Variants in CELF2 observed in about 807,000 individuals in gnomAD.
The protein encoded by CELF2 is CUGBP Elav-like family member 2.
A neutral mutation model predicts 62.6 loss-of-function variants in CELF2; 8 were observed. The ratio of observed to expected loss-of-function variants is 0.13; its 90% CI spans 0.07 to 0.23. CELF2 has a LOEUF of 0.23. CELF2 is among the 10% of genes least tolerant of loss of function. The pLI, the probability that CELF2 is intolerant of heterozygous loss-of-function variation, is 1.00. For missense variants in CELF2, 333 were observed against 671.0 expected (o/e 0.50, Z 5.56); for synonymous variants, 258 against 250.0 (o/e 1.03, Z -0.30).
the CELF2 span, among the ~76,000 whole-genome samples, chr10:10,765,043 G>A: frequency 6.6e-6 from 1 of 152,154 alleles, no homozygotes; most frequent in Non-Finnish European, 1.5e-5. Context: ...ACAAGGGCAG[G>A]CTACTAGTAC....
At chr10:10,487,255 C>T in the CELF2 span, among the ~76,000 whole-genome samples, 26 of 152,276 alleles carry the variant, frequency 1.7e-4, no homozygotes, top group African/African-American at 6.0e-4. Context: ...TTACTTATAG[C>T]ACAGTTGTAA....
chr10:10,943,375 G>T (rs947687584), intron 2 of CELF2, among the ~76,000 whole-genome samples: 10 of 152,160 alleles, frequency 6.6e-5, no homozygotes, highest in African/African-American at 2.4e-4. Flanking sequence ...CCTCTGGAAG[G>T]AAAAAGCCAT....
At chr10:10,927,989 C>T (rs1453144062) in intron 2 of CELF2, among the ~76,000 whole-genome samples, 2 of 152,066 alleles carry the variant, frequency 1.3e-5, no homozygotes, top group Admixed American at 6.5e-5. Flanking sequence ...TTTCATCTAC[C>T]TCTGCAGCCT....
At chr10:10,665,793 C>T in the CELF2 span, among the ~76,000 whole-genome samples, 2 of 152,142 alleles carry the variant, frequency 1.3e-5, no homozygotes, top group Admixed American at 6.5e-5. Flanking sequence ...TCTGGGTATT[C>T]TTAAATGTTA....
At chr10:10,724,908 T>C in the CELF2 span, among the ~76,000 whole-genome samples, 2 of 152,086 alleles carry the variant, frequency 1.3e-5, no homozygotes, top group Non-Finnish European at 2.9e-5. Flanking sequence ...AAATTTGACA[T>C]AAATTCAGAA....
chr10:11,046,445 C>T lies in CELF2; in HGVS notation c.74+28282C>T, dbSNP rs191545709. On this transcript the variant is annotated intron_variant, in intron 1 of 12. Transcript: ENST00000633077. This position sits in a 1 kb window ranked among gnomAD's most constrained non-coding sequence, Gnocchi z 4.6. The stretch of plus-strand genomic sequence containing the variant: ...GTTGGTTCACTGCCTCTGATGACAC[C>T]GAAATGAAATATAAAGGGAAGATAA... Among the ~76,000 whole-genome samples the T allele has an allele frequency of 3.1e-3, 474 of 152,184 alleles. 2 individuals are homozygous for T. The highest frequency in any genetic ancestry group is 5.0e-3 in the Non-Finnish European group (338 of 67,998).
At chr10:11,197,620 G>A (rs2058295186) in intron 2 of CELF2, among the ~76,000 whole-genome samples, 1 of 152,234 alleles carries the variant, frequency 6.6e-6, no homozygotes, top group Non-Finnish European at 1.5e-5. Flanking sequence ...AACACAGGCT[G>A]TCCTTTGGGC....
At chr10:11,264,158 A>G (rs955865298) in intron 5 of CELF2, among the ~76,000 whole-genome samples, 1 of 152,204 alleles carries the variant, frequency 6.6e-6, no homozygotes, top group Non-Finnish European at 1.5e-5. Context: ...TCATGTTTTT[A>G]ATTGCACGGT....
chr10:11,112,907 A>G (rs2055576202), intron 1 of CELF2, among the ~76,000 whole-genome samples: 1 of 152,032 alleles, frequency 6.6e-6, no homozygotes, highest in African/African-American at 2.4e-5. Context: ...TGCGTAGCCC[A>G]TGTCTGAAGC....
chr10:10,550,883 A>T, the CELF2 span, among the ~76,000 whole-genome samples: 1 of 151,664 alleles, frequency 6.6e-6, no homozygotes, highest in Middle Eastern at 3.4e-3. Context: ...TTTTTAGTAG[A>T]GATGGGGTTT....
intron 2 of CELF2, among the ~76,000 whole-genome samples, chr10:10,978,404 G>A (rs574807126): frequency 6.6e-6 from 1 of 152,212 alleles, no homozygotes; most frequent in South Asian, 2.1e-4. Flanking sequence ...TAGCTCAAGA[G>A]TTTTCATTTA....
At chr10:10,820,433 G>A (rs1201797932) in intron 1 of CELF2, among the ~76,000 whole-genome samples, 1 of 152,134 alleles carries the variant, frequency 6.6e-6, no homozygotes, top group African/African-American at 2.4e-5. Context: ...AGAAACCATG[G>A]ACTTATTCCA....
At chr10:10,967,459 A>T (rs2050243734) in intron 2 of CELF2, among the ~76,000 whole-genome samples, 1 of 152,050 alleles carries the variant, frequency 6.6e-6, no homozygotes, top group Non-Finnish European at 1.5e-5. Context: ...TTTGAGAAGT[A>T]GGCATCGAGA....
intron 1 of CELF2, among the ~76,000 whole-genome samples, chr10:11,104,893 G>T (rs142792325): frequency 2.8e-4 from 42 of 152,344 alleles, no homozygotes; most frequent in African/African-American, 7.0e-4. Context: ...ATAGCATGTG[G>T]CAGGCAGAGG....
the CELF2 span, among the ~76,000 whole-genome samples, chr10:10,538,170 C>A: frequency 5.3e-5 from 8 of 152,180 alleles, no homozygotes; most frequent in African/African-American, 1.9e-4. Flanking sequence ...AGGCCATGTC[C>A]TTCAGTAGCA....
At chr10:11,036,597 T>G (rs1173187099) in intron 1 of CELF2, among the ~76,000 whole-genome samples, 1 of 152,244 alleles carries the variant, frequency 6.6e-6, no homozygotes, top group Non-Finnish European at 1.5e-5. Flanking sequence ...GATAAATAAA[T>G]GGGAATCATA....
At chr10:10,734,085 C>T in the CELF2 span, among the ~76,000 whole-genome samples, 1 of 151,962 alleles carries the variant, frequency 6.6e-6, no homozygotes. Context: ...CTTACTTCTA[C>T]ATGTTCATTT....
chr10:10,555,061 A>G, the CELF2 span, among the ~76,000 whole-genome samples: 3 of 152,170 alleles, frequency 2.0e-5, no homozygotes, highest in Non-Finnish European at 4.4e-5. Context: ...GGTTAGAAAA[A>G]GAAAGGGAAA....
chr10:10,892,070 ACCTTTATTTAATTAGAGCC>A (rs2062186679), intron 1 of CELF2, among the ~76,000 whole-genome samples: 2 of 152,206 alleles, frequency 1.3e-5, no homozygotes, highest in African/African-American at 4.8e-5. Context: ...TGCAAAAAAA[ACCTTTATTTAATTAGAGCC>A]CAAATAAATA....
Sources: allele counts gnomAD v4.1 joint callset (sites outside exome capture counted in the v4.1 genomes callset), GRCh38; gene constraint gnomAD v4.1.1; non-coding constraint Gnocchi (gnomAD v3.1); transcripts MANE v1.5; gene names NCBI Gene and HGNC (gene_info 2026-07-23, HGNC 2026-07-21).